PDE8B: variants seen among roughly 807,000 people sequenced by gnomAD.
PDE8B encodes the protein phosphodiesterase 8B, also known as high affinity cAMP-specific and IBMX-insensitive 3',5'-cyclic phosphodiesterase 8B.
Under a neutral mutation model 101.3 loss-of-function variants are expected in PDE8B, and 26 were observed. The observed-to-expected ratio is 0.26, with a 90% CI of 0.19 to 0.36. PDE8B has a LOEUF of 0.36. Among genes scored for constraint, PDE8B ranks in the 10% least tolerant of loss-of-function variants. The probability of loss-of-function intolerance (pLI) is 1.00; values close to 1 mark genes in which losing one functional copy is unlikely to be tolerated. For synonymous variants in PDE8B, 424 were observed against 429.3 expected (o/e 0.99, Z 0.15); for missense variants, 810 against 1,163.1 (o/e 0.70, Z 4.42).
the PDE8B span, among the ~76,000 whole-genome samples, chr5:77,137,281 G>A: frequency 6.6e-6 from 1 of 152,238 alleles, no homozygotes; most frequent in Non-Finnish European, 1.5e-5. Context: ...CACCCCAGGA[G>A]AGACTGGCCT....
chr5:77,408,341 G>A (rs1219277601), intron 13 of PDE8B, among the ~76,000 whole-genome samples: 1 of 152,144 alleles, frequency 6.6e-6, no homozygotes, highest in Non-Finnish European at 1.5e-5. Flanking sequence ...TTGCAGTGTA[G>A]AAACCACAGA....
intron 3 of PDE8B, among the ~76,000 whole-genome samples, chr5:77,326,872 G>A (rs140288315): frequency 6.6e-6 from 1 of 152,198 alleles, no homozygotes; most frequent in East Asian, 1.9e-4. Flanking sequence ...CTTAAGATAA[G>A]CTTTACTTAA....
intron 1 of PDE8B, chr5:77,290,873 C>G: frequency 6.3e-7 from 1 of 1,589,364 alleles, no homozygotes. Context: ...GTGTGGCTGT[C>G]ACAAAGATAA....
chr5:77,402,780 AC>A (rs1302346554), intron 11 of PDE8B, among the ~76,000 whole-genome samples: 2 of 152,344 alleles, frequency 1.3e-5, no homozygotes, highest in East Asian at 3.8e-4. Context: ...GGATAATGAG[AC>A]CCAGAGAAGT....
chr5:77,153,451 T>C, the PDE8B span, among the ~76,000 whole-genome samples: 1,845 of 152,278 alleles, frequency 0.012, 43 homozygotes, highest in African/African-American at 0.04. Flanking sequence ...ACTTCCTTCA[T>C]TGAAGCAGTA....
rs935395974 is a variant in PDE8B at position 77,339,640 on chromosome 5, G to A, written c.797+2325G>A. On this transcript the variant is annotated intron_variant, in intron 6 of 21. Transcript: ENST00000264917. ...CATTTGTTGCAGACTGGGAAAATGAGGCTCTTTATTATACAATGCTAGAAT... is the reference window on the plus strand; with the variant it reads ...CATTTGTTGCAGACTGGGAAAATGAAGCTCTTTATTATACAATGCTAGAAT... 2.0e-5 allele frequency among the ~76,000 whole-genome samples: 3 copies of A among 152,026 alleles called. 1 individual carries two copies. The highest frequency in any genetic ancestry group is 2.9e-5 in the Non-Finnish European group (2 of 68,026).
chr5:77,260,455 A>T (rs1162683844), intron 1 of PDE8B, among the ~76,000 whole-genome samples: 1 of 152,214 alleles, frequency 6.6e-6, no homozygotes, highest in Non-Finnish European at 1.5e-5. Context: ...TTTATGTCAA[A>T]TTTAATGATT....
At position 77,425,779 on chromosome 5, in the gene PDE8B, A is replaced by G. The variant is rs751824084; in HGVS notation, c.2431A>G (p.Lys811Glu). 1 of 1,613,898 alleles carries G rather than the reference A, an allele frequency of 6.2e-7. No individual in the cohort carries two copies. The highest frequency in any genetic ancestry group is 1.1e-5 in the South Asian group (1 of 91,078). ...TTTTTTCTTACAGACTGATGAAGAG[A>G]AGAGACAGGGACTACCTGTGGTGAT... is the stretch of plus-strand genomic sequence containing the variant. ...EEYFAQTDEE[K>E]RQGLPVVMPV... Residue 811 changes from lysine to glutamate, a missense_variant, in exon 21 of 22, where the codon AAG becomes GAG. Physicochemically the swap from Lys to Glu is moderately conservative, Grantham distance 56. Around this residue, in one of 4 missense-constraint regions of PDE8B, gnomAD observed 325 missense variants for 560.9 expected, o/e 0.58. Coordinates refer to ENST00000264917, the MANE Select transcript of PDE8B (RefSeq NM_003719.5).
intron 5 of PDE8B, among the ~76,000 whole-genome samples, chr5:77,336,846 A>C (rs1391221804): frequency 6.6e-6 from 1 of 152,216 alleles, no homozygotes; most frequent in African/African-American, 2.4e-5. Flanking sequence ...TCTCCCTTCC[A>C]AAGAGATCAT....
At chr5:77,424,837 T>C (rs1028014815) in intron 20 of PDE8B, among the ~76,000 whole-genome samples, 5 of 151,586 alleles carry the variant, frequency 3.3e-5, no homozygotes, top group Non-Finnish European at 1.5e-5. Flanking sequence ...TTTTTTGTTT[T>C]TAATGTGAGA....
the PDE8B span, among the ~76,000 whole-genome samples, chr5:77,158,372 A>G: frequency 6.6e-6 from 1 of 152,208 alleles, no homozygotes; most frequent in African/African-American, 2.4e-5. Flanking sequence ...GGAAAGAGAG[A>G]TCATCCTAGG....
intron 1 of PDE8B, among the ~76,000 whole-genome samples, chr5:77,270,982 T>TG (rs374695313): frequency 3.9e-5 from 6 of 152,182 alleles, no homozygotes; most frequent in Non-Finnish European, 8.8e-5. Context: ...AAGGCAGCTC[T>TG]GGGGGTAACC....
the PDE8B span, among the ~76,000 whole-genome samples, chr5:77,172,682 C>T: frequency 4.6e-5 from 7 of 152,218 alleles, no homozygotes; most frequent in South Asian, 2.1e-4. Context: ...GAAACAGCCT[C>T]AGCCTTCAAG....
chr5:77,197,191 C>T, the PDE8B span, among the ~76,000 whole-genome samples: 1 of 142,636 alleles, frequency 7.0e-6, no homozygotes, highest in African/African-American at 2.6e-5. Flanking sequence ...CGGCTCACTT[C>T]AACTTTCATC....
At chr5:77,381,538 CTTGT>C (rs1302989276) in intron 10 of PDE8B, among the ~76,000 whole-genome samples, 5 of 152,074 alleles carry the variant, frequency 3.3e-5, no homozygotes, top group African/African-American at 1.2e-4. Flanking sequence ...TATTTCCTTA[CTTGT>C]TTGTTATTGT....
chr5:77,209,251 C>T (rs915839575), upstream of PDE8B, among the ~76,000 whole-genome samples: 1 of 151,972 alleles, frequency 6.6e-6, no homozygotes, highest in African/African-American at 2.4e-5. Flanking sequence ...CCCTGTATAA[C>T]TGAATTTGGG....
chr5:77,154,755 G>A, the PDE8B span, among the ~76,000 whole-genome samples: 1 of 152,170 alleles, frequency 6.6e-6, no homozygotes, highest in African/African-American at 2.4e-5. Context: ...GGAATTTCCT[G>A]GGGTGCAGTA....
intron 10 of PDE8B, among the ~76,000 whole-genome samples, chr5:77,373,338 A>G (rs1323599811): frequency 6.6e-6 from 1 of 152,312 alleles, no homozygotes; most frequent in Non-Finnish European, 1.5e-5. Flanking sequence ...TCATTGAGGA[A>G]TAACTGACAT....
chr5:77,322,022 C>T (rs1446507468), intron 2 of PDE8B, among the ~76,000 whole-genome samples: 2 of 152,162 alleles, frequency 1.3e-5, no homozygotes, highest in South Asian at 4.1e-4. Flanking sequence ...AGATCCCGGG[C>T]AAGAGCCTCC....
Sources: allele counts gnomAD v4.1 joint callset (sites outside exome capture counted in the v4.1 genomes callset), GRCh38; gene constraint gnomAD v4.1.1; regional missense constraint gnomAD v4.1.1; transcripts MANE v1.5; gene names NCBI Gene and HGNC (gene_info 2026-07-23, HGNC 2026-07-21).